MRPL42: variants seen among roughly 807,000 people sequenced by gnomAD.
The protein encoded by MRPL42 is mitochondrial ribosomal protein L42.
In MRPL42, 17 loss-of-function variants were observed where a neutral mutation model predicts 17.9. That is an observed-to-expected ratio of 0.95 (90% CI 0.65 to 1.42). The LOEUF (loss-of-function observed/expected upper bound fraction) is 1.42. MRPL42 is among the 40% of genes most tolerant of loss of function. The pLI, the probability that MRPL42 is intolerant of heterozygous loss-of-function variation, is 0.00. For synonymous variants in MRPL42, 59 were observed against 54.4 expected (o/e 1.08, Z -0.37); for missense variants, 177 against 175.2 (o/e 1.01, Z -0.06).
chr12:93,479,345 T>G, intron 3 of MRPL42, 43 bp from the exon 4 acceptor site: 1 of 1,440,012 alleles, frequency 6.9e-7, no homozygotes, highest in South Asian at 1.3e-5. Flanking sequence ...CATTTTGCCT[T>G]GAATACAGTA....
chr12:93,475,169 C>CA (rs1374643455), intron 2 of MRPL42, among the ~76,000 whole-genome samples: 2 of 151,840 alleles, frequency 1.3e-5, no homozygotes, highest in Non-Finnish European at 2.9e-5. Flanking sequence ...GGCTGGAGTG[C>CA]AATGGCACGA....
chr12:93,470,738 C>A (rs1879871187), intron 2 of MRPL42: 1 of 240,736 alleles, frequency 4.2e-6, no homozygotes, highest in South Asian at 6.9e-5. Context: ...TGCATTAATT[C>A]ACTTAGGATA....
rs1460600210 is a variant in MRPL42 at position 93,503,381 on chromosome 12, GA to G, written c.*2161del. 1 of 88,780 alleles carries G rather than the reference GA, an allele frequency of 1.1e-5. No individual in the cohort carries two copies. The highest frequency in any genetic ancestry group is 2.5e-5 in the Non-Finnish European group (1 of 39,376). 5.5% of individuals were successfully genotyped at this position (88,780 alleles called of 1,614,324 possible). ...TCTGAGTAGACCAATAGCAAAAACT[GA>G]TTTTTTTTTTTTTTTAAAGAAAAGG... is the stretch of plus-strand genomic sequence containing the variant. On this transcript the variant is annotated 3_prime_UTR_variant, in exon 6 of 6. Transcript: ENST00000549982.
intron 1 of MRPL42, among the ~76,000 whole-genome samples, chr12:93,467,854 C>G (rs972702642): frequency 6.6e-6 from 1 of 152,176 alleles, no homozygotes; most frequent in East Asian, 1.9e-4. Flanking sequence ...ACCTCTGACC[C>G]TCAGAGGCTC....
At chr12:93,500,293 A>G (rs1036841051) in intron 5 of MRPL42, among the ~76,000 whole-genome samples, 4 of 152,222 alleles carry the variant, frequency 2.6e-5, no homozygotes, top group Non-Finnish European at 5.9e-5. Flanking sequence ...AAAATTATGA[A>G]TATTTCTTGA....
intron 2 of MRPL42, 70 bp downstream of exon 2, chr12:93,469,425 A>G (rs1879794576): frequency 8.4e-7 from 1 of 1,187,042 alleles, no homozygotes; most frequent in South Asian, 1.4e-5. Flanking sequence ...TAAAGCATTT[A>G]GTTATTGTAT....
At chr12:93,496,848 T>C (rs954029940) in intron 5 of MRPL42, among the ~76,000 whole-genome samples, 1 of 152,040 alleles carries the variant, frequency 6.6e-6, no homozygotes, top group South Asian at 2.1e-4. Flanking sequence ...GTTCTGCTCT[T>C]GTCCCCCAGC....
chr12:93,514,045 T>G lies in MRPL42; in HGVS notation c.*12824T>G, dbSNP rs978011769. 7 of 152,024 alleles carry G rather than the reference T, an allele frequency of 4.6e-5. No homozygotes were observed. Among genetic ancestry groups the G allele is most frequent in the African/African-American group, 1.7e-4 (7 of 41,346 alleles). 9.4% of individuals were successfully genotyped at this position (152,024 alleles called of 1,614,324 possible). ...TTTGTATTTTTAGTAGAGACGGGGT[T>G]TCACCATGTTGGTCAGGCTGGTCTT... On this transcript the variant is annotated 3_prime_UTR_variant, in exon 6 of 6. Transcript: ENST00000549982.
At chr12:93,474,953 G>A (rs1018069776) in intron 2 of MRPL42, among the ~76,000 whole-genome samples, 5 of 152,004 alleles carry the variant, frequency 3.3e-5, no homozygotes, top group African/African-American at 9.7e-5. Context: ...AAAATTAGCC[G>A]GACATGGTGG....
chr12:93,504,828 G>A lies in MRPL42; in HGVS notation c.*3607G>A, dbSNP rs1296629395. ...TAGGCATCTTTTTGTGTGATTATTT[G>A]GTAAATGTCCATATCCCCTACTAGC... is the stretch of plus-strand genomic sequence containing the variant. On this transcript the variant is annotated 3_prime_UTR_variant, in exon 6 of 6. Transcript: ENST00000549982. The A allele has an allele frequency of 2.0e-5, 3 of 152,084 alleles. No homozygotes were observed. Among genetic ancestry groups the A allele is most frequent in the Non-Finnish European group, 4.4e-5 (3 of 68,014 alleles). The allele number at this position is 152,084 out of a possible 1,614,324, so 9.4% of individuals were successfully genotyped here. A position where few individuals can be genotyped will look rare whatever the true frequency, so the allele number is the denominator to read the frequency against.
chr12:93,475,077 G>C (rs1022087846), intron 2 of MRPL42, among the ~76,000 whole-genome samples: 1 of 152,082 alleles, frequency 6.6e-6, no homozygotes, highest in Non-Finnish European at 1.5e-5. Context: ...AAGAACCTTG[G>C]GGGCAGGGAG....
At chr12:93,489,316 G>A (rs1190635153) in intron 5 of MRPL42, among the ~76,000 whole-genome samples, 1 of 152,014 alleles carries the variant, frequency 6.6e-6, no homozygotes, top group East Asian at 1.9e-4. Context: ...AATAGGTTGG[G>A]TTATGGCACC....
chr12:93,480,576 CTG>C (rs1217208300), intron 4 of MRPL42, among the ~76,000 whole-genome samples: 1 of 149,810 alleles, frequency 6.7e-6, no homozygotes, highest in Non-Finnish European at 1.5e-5. Flanking sequence ...GAGTCTCACT[CTG>C]TTGCCCAGGC....
chr12:93,478,942 A>AT (rs1555200922), intron 3 of MRPL42, among the ~76,000 whole-genome samples: 1 of 76,564 alleles, frequency 1.3e-5, no homozygotes, highest in African/African-American at 3.5e-5. Context: ...TTATTTATTT[A>AT]TTTTTTTGAG....
rs1328039052 is a variant in MRPL42 at position 93,488,959 on chromosome 12, G to A, written c.383+1299G>A. On this transcript the variant is annotated intron_variant, in intron 5 of 5. Transcript: ENST00000549982. ...TCCTTCCTCAGCCTCCTAAGTAGCT[G>A]GGATTACAGGCACACTCTGCCACGC... Among the ~76,000 whole-genome samples, 3 of 151,542 alleles carry A rather than the reference G, an allele frequency of 2.0e-5. No individual in the cohort carries two copies. In the East Asian group the frequency reaches 5.8e-4, roughly 29 times the overall value.
chr12:93,474,017 C>T (rs573417082), intron 2 of MRPL42, among the ~76,000 whole-genome samples: 25 of 152,304 alleles, frequency 1.6e-4, no homozygotes, highest in Non-Finnish European at 2.9e-4. Flanking sequence ...GTAGGTGAAA[C>T]AGACATCTAG....
At chr12:93,480,210 T>G (rs915432818) in intron 4 of MRPL42, among the ~76,000 whole-genome samples, 2 of 151,924 alleles carry the variant, frequency 1.3e-5, no homozygotes, top group Non-Finnish European at 2.9e-5. Flanking sequence ...AGCCTCCACC[T>G]CCTGGGTTCA....
At chr12:93,489,325 C>T (rs1953367497) in intron 5 of MRPL42, among the ~76,000 whole-genome samples, 1 of 151,948 alleles carries the variant, frequency 6.6e-6, no homozygotes, top group South Asian at 2.1e-4. Flanking sequence ...GGTTATGGCA[C>T]CCAGAATATT....
chr12:93,483,718 A>G (rs1880574424), intron 4 of MRPL42, among the ~76,000 whole-genome samples: 1 of 152,162 alleles, frequency 6.6e-6, no homozygotes. Flanking sequence ...GGCTACACCA[A>G]ATTTTTAAAA....
Sources: gnomAD v4.1 joint callset for allele counts (sites outside exome capture counted in the v4.1 genomes callset) on GRCh38, gnomAD v4.1.1 for gene constraint, MANE v1.5 for transcripts, NCBI Gene and HGNC (gene_info 2026-07-23, HGNC 2026-07-21) for gene names.